The following SLCO1B1 variants were observed in gnomAD, a reference collection of about 807,000 sequenced individuals.
SLCO1B1 encodes the protein solute carrier organic anion transporter family member 1B1, also known as OATP-2.
In SLCO1B1, 81 loss-of-function variants were observed where a neutral mutation model predicts 70.1. That is an observed-to-expected ratio of 1.16 (90% CI 0.97 to 1.39). The LOEUF (loss-of-function observed/expected upper bound fraction) is 1.39. Among genes scored for constraint, SLCO1B1 ranks in the 40% most tolerant of loss-of-function variants. The probability of loss-of-function intolerance (pLI) is 0.00; values close to 1 mark genes in which losing one functional copy is unlikely to be tolerated. For synonymous variants in SLCO1B1, 283 were observed against 271.5 expected (o/e 1.04, Z -0.42); for missense variants, 895 against 799.6 (o/e 1.12, Z -1.44).
At chr12:21,166,897 C>G (rs1051242519) in intron 2 of SLCO1B1, among the ~76,000 whole-genome samples, 1 of 152,012 alleles carries the variant, frequency 6.6e-6, no homozygotes, top group Non-Finnish European at 1.5e-5. Flanking sequence ...ACCAAGGTGT[C>G]CTTCAATATG....
intron 11 of SLCO1B1, among the ~76,000 whole-genome samples, chr12:21,206,356 A>G (rs1343122608): frequency 6.6e-6 from 1 of 151,884 alleles, no homozygotes; most frequent in Non-Finnish European, 1.5e-5. Flanking sequence ...ACTAAAGCCT[A>G]TAATTTTCAT....
intron 2 of SLCO1B1, among the ~76,000 whole-genome samples, chr12:21,158,343 T>C (rs1421290530): frequency 6.6e-6 from 1 of 152,232 alleles, no homozygotes; most frequent in Non-Finnish European, 1.5e-5. Context: ...AATAAATTTT[T>C]GAAACAAATC....
At chr12:21,204,043 G>A (rs1194503414) in intron 10 of SLCO1B1, among the ~76,000 whole-genome samples, 1 of 151,914 alleles carries the variant, frequency 6.6e-6, no homozygotes, top group Non-Finnish European at 1.5e-5. Flanking sequence ...AAGGATATTT[G>A]TAGGATACAT....
At chr12:21,228,517 G>A (rs1283617407) in intron 14 of SLCO1B1, among the ~76,000 whole-genome samples, 1 of 152,156 alleles carries the variant, frequency 6.6e-6, no homozygotes, top group Non-Finnish European at 1.5e-5. Context: ...TCAGGTTGCA[G>A]ATGGAATAAG....
At chr12:21,235,445 C>A (rs945385302) in intron 14 of SLCO1B1, among the ~76,000 whole-genome samples, 2 of 147,048 alleles carry the variant, frequency 1.4e-5, no homozygotes, top group South Asian at 2.2e-4. Flanking sequence ...TCCTTACATA[C>A]GAGATGGATT....
intron 2 of SLCO1B1, among the ~76,000 whole-genome samples, chr12:21,149,973 C>T (rs558876188): frequency 2.7e-4 from 41 of 152,094 alleles, no homozygotes; most frequent in Non-Finnish European, 5.4e-4. Context: ...CCTTGCCAGC[C>T]GAGCAGTCTG....
intron 2 of SLCO1B1, among the ~76,000 whole-genome samples, chr12:21,171,633 G>A (rs1470928267): frequency 6.6e-6 from 1 of 152,172 alleles, no homozygotes; most frequent in Non-Finnish European, 1.5e-5. Flanking sequence ...GGAAATATAG[G>A]AGGTAATTAG....
Position 21,200,668 on chromosome 12 carries a change from A to T in SLCO1B1, c.1131A>T (p.Leu377Phe). The change falls in exon 9 of 15, where the codon TTA becomes TTT. Residue 377 changes from leucine to phenylalanine, a missense_variant. Coordinates refer to ENST00000256958, the MANE Select transcript of SLCO1B1 (RefSeq NM_006446.5). ...YGQPSSKANI[L>F]LGVITIPIFA... ...AGCCTTCATCTAAGGCTAACATCTT[A>T]TTGGGTAAGACATATTTTTTACTTG... 6.2e-7 allele frequency: 1 copy of T among 1,611,466 alleles called. No individual in the cohort carries two copies. Among genetic ancestry groups the T allele is most frequent in the Non-Finnish European group, 8.5e-7 (1 of 1,178,502 alleles).
intron 2 of SLCO1B1, among the ~76,000 whole-genome samples, chr12:21,146,978 G>C (rs1408567152): frequency 6.6e-6 from 1 of 152,094 alleles, no homozygotes; most frequent in Non-Finnish European, 1.5e-5. Context: ...TGTTCTTCCT[G>C]TTTTTACCTG....
intron 2 of SLCO1B1, among the ~76,000 whole-genome samples, chr12:21,152,631 A>T (rs1318083086): frequency 7.1e-6 from 1 of 140,286 alleles, no homozygotes; most frequent in Non-Finnish European, 1.5e-5. Context: ...GTAGAGTGAG[A>T]TGGATTTTGG....
rs150801283 is a variant in SLCO1B1 at position 21,190,887 on chromosome 12, C to T, written c.728-6059C>T. ...TTGCTATTGAGTTGTAGGATTTCCC[C>T]GTGTGCTTTAGAAATTAACCCCTTT... is the stretch of plus-strand genomic sequence containing the variant. On this transcript the variant is annotated intron_variant, in intron 7 of 14. Coordinates refer to ENST00000256958, the MANE Select transcript of SLCO1B1 (RefSeq NM_006446.5). Among the ~76,000 whole-genome samples the T allele has an allele frequency of 5.3e-3, 800 of 152,066 alleles. 6 individuals carry two copies. Among genetic ancestry groups the T allele is most frequent in the Middle Eastern group, 0.014 (4 of 294 alleles).
chr12:21,145,060 C>A (rs1202780857), intron 2 of SLCO1B1, among the ~76,000 whole-genome samples: 1 of 152,106 alleles, frequency 6.6e-6, no homozygotes, highest in Non-Finnish European at 1.5e-5. Context: ...CCTCACATAT[C>A]AGTATTAATC....
intron 11 of SLCO1B1, among the ~76,000 whole-genome samples, chr12:21,209,885 C>T (rs11519274): frequency 0.19 from 29,468 of 151,204 alleles, 2,506 homozygotes; most frequent in East Asian, 0.37. Flanking sequence ...TCATGTCCTT[C>T]GCCCACTTTT....
rs374918870 is a variant in SLCO1B1 at position 21,155,365 on chromosome 12, A to G, written c.84+13707A>G. Reference sequence around the variant, plus strand: ...TATACTATTTTACATCTTGTACTCCATATTTTCTACTTGTTCTTTTTTGTT... The same window carrying G: ...TATACTATTTTACATCTTGTACTCCGTATTTTCTACTTGTTCTTTTTTGTT... On this transcript the variant is annotated intron_variant, in intron 2 of 14. Coordinates refer to ENST00000256958, the MANE Select transcript of SLCO1B1 (RefSeq NM_006446.5). Among the ~76,000 whole-genome samples, 136 of 151,764 alleles carry G rather than the reference A, an allele frequency of 9.0e-4. 3 individuals carry two copies. The South Asian group carries it at 0.027, about 30-fold the overall frequency.
chr12:21,159,078 T>C (rs561316397), intron 2 of SLCO1B1, among the ~76,000 whole-genome samples: 1 of 152,270 alleles, frequency 6.6e-6, no homozygotes, highest in South Asian at 2.1e-4. Flanking sequence ...ATAAAAGTTA[T>C]GAGATGCTGA....
intron 7 of SLCO1B1, among the ~76,000 whole-genome samples, chr12:21,194,259 C>T (rs1941066230): frequency 6.6e-6 from 1 of 151,988 alleles, no homozygotes; most frequent in South Asian, 2.1e-4. Flanking sequence ...TCAGATGATC[C>T]ACCCGTCTCA....
chr12:21,155,243 T>C lies in SLCO1B1; in HGVS notation c.84+13585T>C, dbSNP rs191341164. 1.9e-3 allele frequency among the ~76,000 whole-genome samples: 291 copies of C among 152,148 alleles called. 3 individuals carry two copies. Among genetic ancestry groups the C allele is most frequent in the African/African-American group, 6.9e-3 (288 of 41,568 alleles). On this transcript the variant is annotated intron_variant, in intron 2 of 14. Transcript: ENST00000256958. ...CTCAATTTTAGTTAAAAATTATGTA[T>C]ATCTTAACCTTTTACCTATATATGC... is the stretch of plus-strand genomic sequence containing the variant.
intron 11 of SLCO1B1, 56 bp downstream of exon 11, chr12:21,206,089 C>G (rs576738337): frequency 1.4e-6 from 2 of 1,395,540 alleles, no homozygotes; most frequent in Non-Finnish European, 2.0e-6. Context: ...TTAGATTGAA[C>G]AATTTTTTAC....
At chr12:21,153,587 T>C (rs1223485077) in intron 2 of SLCO1B1, among the ~76,000 whole-genome samples, 4 of 152,124 alleles carry the variant, frequency 2.6e-5, no homozygotes, top group Admixed American at 2.6e-4. Context: ...TAATTTTATA[T>C]GTGTCTGAGA....
Sources: gnomAD v4.1 joint callset for allele counts (sites outside exome capture counted in the v4.1 genomes callset) on GRCh38, gnomAD v4.1.1 for gene constraint, MANE v1.5 for transcripts, NCBI Gene and HGNC (gene_info 2026-07-23, HGNC 2026-07-21) for gene names.